The following LINGO2 variants were observed in gnomAD, a reference collection of about 807,000 sequenced individuals.
LINGO2 encodes the protein leucine rich repeat and Ig domain containing 2.
In LINGO2, 14 loss-of-function variants were observed where a neutral mutation model predicts 30.6. The ratio of observed to expected loss-of-function variants is 0.46; its 90% CI spans 0.30 to 0.72. The LOEUF (loss-of-function observed/expected upper bound fraction) is 0.72, where lower values mean the gene tolerates loss of function less well. Among genes scored for constraint, LINGO2 ranks in the 30% least tolerant of loss-of-function variants. The pLI, the probability that LINGO2 is intolerant of heterozygous loss-of-function variation, is 0.07. For missense variants in LINGO2, 729 were observed against 751.7 expected (o/e 0.97, Z 0.35); for synonymous variants, 317 against 288.5 (o/e 1.10, Z -1.00).
chr9:28,194,728 C>T (rs967990521), intron 4 of LINGO2, among the ~76,000 whole-genome samples: 22 of 151,844 alleles, frequency 1.4e-4, no homozygotes, highest in African/African-American at 4.8e-4. Context: ...CCTGCCAATG[C>T]AAACAACTAC....
chr9:28,431,913 T>C (rs534377150), intron 2 of LINGO2, among the ~76,000 whole-genome samples: 1 of 152,250 alleles, frequency 6.6e-6, no homozygotes, highest in South Asian at 2.1e-4. Context: ...CTTTCAAATC[T>C]AGTGCTCTGT....
intron 4 of LINGO2, among the ~76,000 whole-genome samples, chr9:28,294,110 T>G (rs1203678669): frequency 6.6e-6 from 1 of 152,224 alleles, no homozygotes; most frequent in Non-Finnish European, 1.5e-5. Flanking sequence ...TCTCATGATA[T>G]CATCTTATAT....
the LINGO2 span, among the ~76,000 whole-genome samples, chr9:29,203,666 G>A: frequency 6.6e-5 from 10 of 152,248 alleles, no homozygotes; most frequent in East Asian, 1.5e-3. Context: ...AGATTACAAC[G>A]TTGTAACTGA....
chr9:28,414,481 T>C (rs1482538441), intron 2 of LINGO2, among the ~76,000 whole-genome samples: 1 of 152,170 alleles, frequency 6.6e-6, no homozygotes, highest in African/African-American at 2.4e-5. Context: ...ATTGAGGGGC[T>C]GATATTTGCC....
the LINGO2 span, among the ~76,000 whole-genome samples, chr9:28,826,643 T>A: frequency 6.6e-6 from 1 of 152,190 alleles, no homozygotes; most frequent in Non-Finnish European, 1.5e-5. Flanking sequence ...AACACTGACA[T>A]CCATGTCTAG....
intron 1 of LINGO2, among the ~76,000 whole-genome samples, chr9:28,501,887 G>A (rs1241060997): frequency 6.6e-6 from 1 of 152,054 alleles, no homozygotes; most frequent in Non-Finnish European, 1.5e-5. Context: ...GCTAAGGAAT[G>A]TTCAGCTTTG....
chr9:28,257,900 C>T (rs1251913731), intron 4 of LINGO2, among the ~76,000 whole-genome samples: 1 of 151,804 alleles, frequency 6.6e-6, no homozygotes, highest in African/African-American at 2.4e-5. Flanking sequence ...CTTTTATGTA[C>T]TTATATTGGA....
chr9:29,089,739 TGACA>T, the LINGO2 span, among the ~76,000 whole-genome samples: 1 of 152,074 alleles, frequency 6.6e-6, no homozygotes, highest in Non-Finnish European at 1.5e-5. Flanking sequence ...AGTGAGTGAA[TGACA>T]GACAGGTTTG....
intron 4 of LINGO2, among the ~76,000 whole-genome samples, chr9:28,161,771 A>G (rs1256949598): frequency 6.6e-6 from 1 of 152,036 alleles, no homozygotes; most frequent in Non-Finnish European, 1.5e-5. Context: ...ATCAAATCAT[A>G]CTTCAGAAAT....
chr9:28,789,970 T>C, the LINGO2 span, among the ~76,000 whole-genome samples: 1 of 152,192 alleles, frequency 6.6e-6, no homozygotes, highest in African/African-American at 2.4e-5. Context: ...TATATTTCTA[T>C]ACACAGTAGT....
At chr9:28,712,586 A>C in the LINGO2 span, among the ~76,000 whole-genome samples, 1 of 151,486 alleles carries the variant, frequency 6.6e-6, no homozygotes, top group Non-Finnish European at 1.5e-5. Flanking sequence ...GGACATAATA[A>C]ACAGTACCTA....
At chr9:28,952,623 C>T in the LINGO2 span, among the ~76,000 whole-genome samples, 1 of 152,100 alleles carries the variant, frequency 6.6e-6, no homozygotes, top group Admixed American at 6.6e-5. Context: ...TCTTCCACCA[C>T]CACAGGAGAA....
intron 2 of LINGO2, among the ~76,000 whole-genome samples, chr9:28,414,706 T>C (rs1389669610): frequency 6.6e-6 from 1 of 152,124 alleles, no homozygotes; most frequent in Non-Finnish European, 1.5e-5. Context: ...CATTTATTAA[T>C]GAGTGCACCA....
intron 1 of LINGO2, among the ~76,000 whole-genome samples, chr9:28,633,973 G>C (rs757529915): frequency 6.6e-6 from 1 of 152,134 alleles, no homozygotes; most frequent in Non-Finnish European, 1.5e-5. Context: ...CCTGTGAGTA[G>C]GTCTCCTACC....
chr9:28,848,090 TATACGCATA>T, the LINGO2 span, among the ~76,000 whole-genome samples: 1 of 66,998 alleles, frequency 1.5e-5, no homozygotes, highest in African/African-American at 6.7e-5. Flanking sequence ...ACACACTATA[TATACGCATA>T]GTGTATATAT....
intron 4 of LINGO2, among the ~76,000 whole-genome samples, chr9:28,213,805 AT>A (rs1344329398): frequency 6.6e-6 from 1 of 151,516 alleles, no homozygotes; most frequent in Non-Finnish European, 1.5e-5. Context: ...CTCTGAAAAA[AT>A]GGCTTTTATA....
exon 6 of LINGO2, chr9:27,949,672 C>T: frequency 6.2e-7 from 1 of 1,614,118 alleles, no homozygotes; most frequent in East Asian, 2.2e-5. Flanking sequence ...TCCAAAGTTT[C>T]CAGCAGGTTC....
chr9:28,422,335 G>T (rs964271411), intron 2 of LINGO2, among the ~76,000 whole-genome samples: 1 of 151,868 alleles, frequency 6.6e-6, no homozygotes, highest in Admixed American at 6.6e-5. Context: ...AAAACAACCT[G>T]ATTTTTTGAA....
chr9:28,384,887 T>C (rs1012191944), intron 2 of LINGO2, among the ~76,000 whole-genome samples: 1 of 152,096 alleles, frequency 6.6e-6, no homozygotes, highest in Non-Finnish European at 1.5e-5. Flanking sequence ...CTCTAGATCC[T>C]AAGTTATTTT....
Sources: gnomAD v4.1 joint callset for allele counts (sites outside exome capture counted in the v4.1 genomes callset) on GRCh38, gnomAD v4.1.1 for gene constraint, MANE v1.5 for transcripts, NCBI Gene and HGNC (gene_info 2026-07-23, HGNC 2026-07-21) for gene names.